Variants in CORIN observed in about 807,000 individuals in gnomAD.
CORIN encodes atrial natriuretic peptide-converting enzyme.
Under a neutral mutation model 125.3 loss-of-function variants are expected in CORIN, and 117 were observed. That is an observed-to-expected ratio of 0.93 (90% CI 0.80 to 1.09). The LOEUF is 1.09. Ranked by LOEUF, CORIN falls within the 50% of genes least tolerant of loss-of-function variation. The probability of loss-of-function intolerance (pLI) is 0.00; values close to 1 mark genes in which losing one functional copy is unlikely to be tolerated. For synonymous variants in CORIN, 450 were observed against 466.4 expected (o/e 0.96, Z 0.45); for missense variants, 1,253 against 1,306.7 (o/e 0.96, Z 0.63).
chr4:47,765,860 G>A (rs1284237770), intron 3 of CORIN, among the ~76,000 whole-genome samples: 1 of 152,106 alleles, frequency 6.6e-6, no homozygotes, highest in African/African-American at 2.4e-5. Context: ...TTTTAGGGGT[G>A]TTTTTTCTAC....
intron 4 of CORIN, among the ~76,000 whole-genome samples, chr4:47,747,678 G>A (rs989249298): frequency 2.6e-5 from 4 of 152,028 alleles, no homozygotes; most frequent in African/African-American, 7.2e-5. Context: ...TCTTACGGTG[G>A]TCATTTTTCT....
At chr4:47,735,341 C>G (rs1042302487) in intron 5 of CORIN, among the ~76,000 whole-genome samples, 5 of 152,088 alleles carry the variant, frequency 3.3e-5, no homozygotes, top group Non-Finnish European at 7.4e-5. Flanking sequence ...AATATTACAT[C>G]AAACACCAAT....
At position 47,693,055 on chromosome 4, in the gene CORIN, C is replaced by T. The variant is rs765760406; in HGVS notation, c.828G>A (p.Leu276=). ...CGGGGATGCAGATTCCACTGGCACA[C>T]AGAAAGTTCTCACCCCTTCCACAGA... The part of the protein sequence containing the change: ...QLLCGRGENF[L]CASGICIPGK... The change falls in exon 6 of 22, where the codon CTG becomes CTA. Residue 276 remains leucine (L), a synonymous_variant. Coordinates refer to ENST00000273857, the MANE Select transcript of CORIN (RefSeq NM_006587.4). The T allele has an allele frequency of 1.9e-6, 3 of 1,613,178 alleles. No homozygotes were observed. In the South Asian group the frequency reaches 3.3e-5, roughly 18 times the overall value.
intron 3 of CORIN, among the ~76,000 whole-genome samples, chr4:47,765,728 T>A (rs1000596612): frequency 6.6e-6 from 1 of 152,198 alleles, no homozygotes; most frequent in Non-Finnish European, 1.5e-5. Context: ...AATTATATTG[T>A]AGGGTGATTT....
intron 10 of CORIN, among the ~76,000 whole-genome samples, chr4:47,666,619 G>T (rs1377662720): frequency 6.6e-6 from 1 of 152,104 alleles, no homozygotes; most frequent in African/African-American, 2.4e-5. Flanking sequence ...AGGTGATGAG[G>T]TTTCAATGAG....
chr4:47,715,904 G>GTTCA (rs1727068294), intron 5 of CORIN, among the ~76,000 whole-genome samples: 1 of 152,218 alleles, frequency 6.6e-6, no homozygotes, highest in Non-Finnish European at 1.5e-5. Context: ...AAGGAATAGT[G>GTTCA]TTCAAGCTTC....
intron 5 of CORIN, among the ~76,000 whole-genome samples, chr4:47,726,735 A>G: frequency 6.6e-6 from 1 of 152,068 alleles, no homozygotes; most frequent in East Asian, 1.9e-4. Flanking sequence ...TATTTCTTTC[A>G]GAAAGTAACT....
At chr4:47,648,807 A>G (rs1426675771) in intron 13 of CORIN, among the ~76,000 whole-genome samples, 4 of 152,152 alleles carry the variant, frequency 2.6e-5, no homozygotes, top group African/African-American at 7.2e-5. Flanking sequence ...CAAAGGCTGG[A>G]ACAGTCTGGA....
rs527782160 is a variant in CORIN at position 47,817,302 on chromosome 4, A to G, written c.64-10255T>C. On this transcript the variant is annotated intron_variant, in intron 1 of 21. Transcript: ENST00000273857. ...ACTATATATATATAACAAAATATATATATATATAATATATAACTAACATAT... is the reference window on the plus strand; with the variant it reads ...ACTATATATATATAACAAAATATATGTATATATAATATATAACTAACATAT... Among the ~76,000 whole-genome samples, 22 of 149,918 alleles carry G rather than the reference A, an allele frequency of 1.5e-4. No individual in the cohort carries two copies. The South Asian group carries it at 2.7e-3, about 18-fold the overall frequency.
At chr4:47,674,097 C>G (rs1724895210) in intron 10 of CORIN, among the ~76,000 whole-genome samples, 1 of 152,176 alleles carries the variant, frequency 6.6e-6, no homozygotes, top group African/African-American at 2.4e-5. Context: ...CATCTGCCTA[C>G]AGATGGAGCC....
At chr4:47,762,146 TA>T (rs1451030456) in intron 4 of CORIN, among the ~76,000 whole-genome samples, 5 of 152,086 alleles carry the variant, frequency 3.3e-5, no homozygotes, top group Non-Finnish European at 7.4e-5. Flanking sequence ...GTAGTATTCT[TA>T]AAAAATGCTA....
chr4:47,744,848 G>T (rs909012560), intron 4 of CORIN, among the ~76,000 whole-genome samples: 3 of 151,962 alleles, frequency 2.0e-5, no homozygotes, highest in African/African-American at 7.3e-5. Context: ...ATATTTACTG[G>T]GCTAAAATAT....
At chr4:47,661,143 T>C (rs750341741) in intron 12 of CORIN, among the ~76,000 whole-genome samples, 1 of 152,176 alleles carries the variant, frequency 6.6e-6, no homozygotes, top group Admixed American at 6.6e-5. Flanking sequence ...ATTGAAGTCA[T>C]GGTGATAGAA....
intron 2 of CORIN, among the ~76,000 whole-genome samples, chr4:47,788,040 T>C (rs1157826897): frequency 1.3e-5 from 2 of 152,328 alleles, no homozygotes; most frequent in East Asian, 3.9e-4. Context: ...TTGAAAGAGA[T>C]CGTGTATTTT....
At chr4:47,766,019 C>T (rs567489130) in intron 3 of CORIN, among the ~76,000 whole-genome samples, 2 of 152,042 alleles carry the variant, frequency 1.3e-5, no homozygotes, top group African/African-American at 2.4e-5. Context: ...TTAATCCAGC[C>T]GTTGAAATAT....
intron 8 of CORIN, 112 bp from the exon 9 acceptor site, chr4:47,678,166 G>A: frequency 1.3e-6 from 1 of 771,224 alleles, no homozygotes; most frequent in Non-Finnish European, 2.3e-6. Context: ...AAGGTGTTCT[G>A]CACACACAAA....
At chr4:47,717,814 G>T (rs1727164244) in intron 5 of CORIN, among the ~76,000 whole-genome samples, 1 of 152,174 alleles carries the variant, frequency 6.6e-6, no homozygotes, top group East Asian at 1.9e-4. Context: ...TATATTTTAT[G>T]ATTGCAGGTT....
chr4:47,744,483 A>C lies in CORIN; in HGVS notation c.718T>G (p.Cys240Gly). ...TCAGTTTGGTTTCTAAACTGGGAGCATCTGAGGAAATCCGGCCAGGAGTAA... is the reference window on the plus strand; with the variant it reads ...TCAGTTTGGTTTCTAAACTGGGAGCCTCTGAGGAAATCCGGCCAGGAGTAA... ...VNYSWPDFLR[C>G]SQFRNQTESS... The change falls in exon 5 of 22, where the codon TGC (cysteine) becomes GGC (glycine). Residue 240 changes from cysteine to glycine, a missense_variant. Cys to Gly is a radical substitution (Grantham distance 159). Transcript: ENST00000273857. 2 of 1,614,110 alleles carry C rather than the reference A, an allele frequency of 1.2e-6. No individual in the cohort carries two copies. Among genetic ancestry groups the C allele is most frequent in the Non-Finnish European group, 1.7e-6 (2 of 1,179,994 alleles).
chr4:47,667,320 T>G (rs773510734), intron 10 of CORIN, among the ~76,000 whole-genome samples: 3 of 152,134 alleles, frequency 2.0e-5, no homozygotes, highest in Non-Finnish European at 4.4e-5. Flanking sequence ...CTAACACTCC[T>G]TCCAATGATA....
Sources: allele counts gnomAD v4.1 joint callset (sites outside exome capture counted in the v4.1 genomes callset), GRCh38; gene constraint gnomAD v4.1.1; transcripts MANE v1.5; gene names NCBI Gene and HGNC (gene_info 2026-07-23, HGNC 2026-07-21).